The following NTRK3 variants were observed in gnomAD, a reference collection of about 807,000 sequenced individuals.
NTRK3 encodes the protein neurotrophic receptor tyrosine kinase 3.
Under a neutral mutation model 91.7 loss-of-function variants are expected in NTRK3, and 24 were observed. That is an observed-to-expected ratio of 0.26 (90% CI 0.19 to 0.37). The LOEUF is 0.37. NTRK3 is among the 10% of genes least tolerant of loss of function. The probability of loss-of-function intolerance (pLI) is 1.00; values close to 1 mark genes in which losing one functional copy is unlikely to be tolerated. For missense variants in NTRK3, 880 were observed against 1,068.9 expected (o/e 0.82, Z 2.46); for synonymous variants, 483 against 404.0 (o/e 1.20, Z -2.34).
At chr15:87,966,471 A>G (rs569142924) in intron 14 of NTRK3, among the ~76,000 whole-genome samples, 1 of 152,150 alleles carries the variant, frequency 6.6e-6, no homozygotes, top group East Asian at 1.9e-4. Flanking sequence ...CCCATCTTCC[A>G]TCCCACAGTG....
intron 18 of NTRK3, among the ~76,000 whole-genome samples, chr15:87,877,851 C>T (rs2065023336): frequency 6.6e-6 from 1 of 152,036 alleles, no homozygotes; most frequent in Admixed American, 6.5e-5. Flanking sequence ...TCTGCCTTAA[C>T]CACCCCCAGG....
intron 3 of NTRK3, among the ~76,000 whole-genome samples, chr15:88,226,965 T>A (rs1598058015): frequency 6.6e-6 from 1 of 152,228 alleles, no homozygotes; most frequent in Non-Finnish European, 1.5e-5. Flanking sequence ...CTTTCCACTT[T>A]ATGTATGCAT....
At chr15:88,009,839 T>C (rs1031023794) in intron 14 of NTRK3, among the ~76,000 whole-genome samples, 1 of 152,174 alleles carries the variant, frequency 6.6e-6, no homozygotes, top group Non-Finnish European at 1.5e-5. Flanking sequence ...GCACCTCTGC[T>C]CCTGTTCTCA....
chr15:88,249,267 A>G (rs936041646), intron 3 of NTRK3, among the ~76,000 whole-genome samples: 2 of 152,200 alleles, frequency 1.3e-5, no homozygotes, highest in Admixed American at 6.5e-5. Context: ...GCTCAGCAGA[A>G]GGCCTCATCG....
At chr15:88,221,234 C>T (rs1486591023) in intron 3 of NTRK3, among the ~76,000 whole-genome samples, 1 of 152,128 alleles carries the variant, frequency 6.6e-6, no homozygotes, top group African/African-American at 2.4e-5. Flanking sequence ...CAGAGGTAAC[C>T]ATCTTCAGCC....
At chr15:88,029,302 GA>G (rs2078317524) in intron 14 of NTRK3, among the ~76,000 whole-genome samples, 1 of 152,208 alleles carries the variant, frequency 6.6e-6, no homozygotes, top group Non-Finnish European at 1.5e-5. Flanking sequence ...TAGGTGTGGG[GA>G]TGCAAGCATC....
intron 6 of NTRK3, among the ~76,000 whole-genome samples, chr15:88,144,611 A>G (rs191764900): frequency 3.0e-4 from 45 of 152,294 alleles, no homozygotes; most frequent in Admixed American, 4.6e-4. Context: ...ATTAAACATC[A>G]TAACACTCAT....
At chr15:87,994,683 T>C (rs1476798825) in intron 14 of NTRK3, among the ~76,000 whole-genome samples, 1 of 152,170 alleles carries the variant, frequency 6.6e-6, no homozygotes, top group Non-Finnish European at 1.5e-5. Context: ...ACAGGAATTG[T>C]TTCTTCCCTG....
chr15:88,136,476 G>A (rs375320268), exon 8 of NTRK3: 13 of 1,614,040 alleles, frequency 8.1e-6, no homozygotes, highest in Non-Finnish European at 1.1e-5. Flanking sequence ...CCTGGTGAGT[G>A]TTGATGGACT....
intron 13 of NTRK3, among the ~76,000 whole-genome samples, chr15:88,099,913 G>A (rs1158058664): frequency 6.6e-6 from 1 of 152,182 alleles, no homozygotes; most frequent in East Asian, 1.9e-4. Context: ...AGGATTTGGG[G>A]AGGGGGACAT....
chr15:88,044,941 C>A (rs911040396), intron 13 of NTRK3, among the ~76,000 whole-genome samples: 1 of 152,190 alleles, frequency 6.6e-6, no homozygotes, highest in Non-Finnish European at 1.5e-5. Flanking sequence ...GCATGCCCTG[C>A]GGGACCACAG....
intron 14 of NTRK3, chr15:87,979,581 C>G (rs1043734344): frequency 1.4e-6 from 1 of 707,364 alleles, no homozygotes; most frequent in Non-Finnish European, 2.4e-6. Flanking sequence ...AGGGGAAGAA[C>G]TGTCAGCAAA....
chr15:87,952,952 C>A (rs2071289184), intron 14 of NTRK3, among the ~76,000 whole-genome samples: 1 of 152,130 alleles, frequency 6.6e-6, no homozygotes, highest in Non-Finnish European at 1.5e-5. Flanking sequence ...GCCACGCCGG[C>A]CCTCCGCGTG....
intron 5 of NTRK3, among the ~76,000 whole-genome samples, chr15:88,157,790 G>C (rs925681942): frequency 2.0e-5 from 3 of 152,120 alleles, no homozygotes; most frequent in African/African-American, 7.2e-5. Flanking sequence ...CGGAGTCCTG[G>C]ATTCTGACTA....
At chr15:88,052,447 G>C (rs1260947458) in intron 13 of NTRK3, among the ~76,000 whole-genome samples, 3 of 152,224 alleles carry the variant, frequency 2.0e-5, no homozygotes, top group Admixed American at 2.0e-4. Context: ...CTCTAGTTTG[G>C]AGTAAGCACG....
intron 3 of NTRK3, among the ~76,000 whole-genome samples, chr15:88,199,417 C>T (rs2048102645): frequency 6.6e-6 from 1 of 152,156 alleles, no homozygotes; most frequent in Non-Finnish European, 1.5e-5. Context: ...CCAAATGGGG[C>T]TCCTGGCTCC....
At chr15:88,162,698 G>A (rs2044575706) in intron 5 of NTRK3, among the ~76,000 whole-genome samples, 1 of 152,332 alleles carries the variant, frequency 6.6e-6, no homozygotes, top group East Asian at 1.9e-4. Context: ...CATCAGGATA[G>A]CAAACTCATC....
At chr15:88,183,359 T>A in intron 5 of NTRK3, 59 bp downstream of exon 5, 1 of 1,575,920 alleles carries the variant, frequency 6.3e-7, no homozygotes. Flanking sequence ...GTCTCCGGTT[T>A]CACTGCCCCA....
intron 17 of NTRK3, 96 bp from the exon 19 acceptor site, chr15:87,880,524 C>T: frequency 1.5e-6 from 2 of 1,341,252 alleles, no homozygotes; most frequent in Non-Finnish European, 2.1e-6. Context: ...ACTCTTGATG[C>T]ATCCTATTCT....
Sources: allele counts gnomAD v4.1 joint callset (sites outside exome capture counted in the v4.1 genomes callset), GRCh38; gene constraint gnomAD v4.1.1; transcripts MANE v1.5; gene names NCBI Gene and HGNC (gene_info 2026-07-23, HGNC 2026-07-21).